Variants in NDUFAF2 observed in about 807,000 individuals in gnomAD.
NDUFAF2 encodes NADH dehydrogenase [ubiquinone] 1 alpha subcomplex assembly factor 2.
A neutral mutation model predicts 22.8 loss-of-function variants in NDUFAF2; 13 were observed. The ratio of observed to expected loss-of-function variants is 0.57; its 90% CI spans 0.37 to 0.91. The LOEUF is 0.91. Among genes scored for constraint, NDUFAF2 ranks in the 40% least tolerant of loss-of-function variants. The pLI, the probability that NDUFAF2 is intolerant of heterozygous loss-of-function variation, is 0.01. For missense variants in NDUFAF2, 162 were observed against 195.2 expected, an observed-to-expected ratio of 0.83 and a Z score of 1.01; for synonymous variants, 53 against 64.2, an observed-to-expected ratio of 0.83 and a Z score of 0.84.
intron 2 of NDUFAF2, among the ~76,000 whole-genome samples, chr5:61,089,040 C>T (rs979063820): frequency 6.6e-6 from 1 of 152,038 alleles, no homozygotes. Flanking sequence ...TTTTTAGCAC[C>T]TGTGGAGATT....
chr5:61,152,054 G>A (rs557092), intron 3 of NDUFAF2, among the ~76,000 whole-genome samples: 6,598 of 152,212 alleles, frequency 0.043, 172 homozygotes, highest in South Asian at 0.08. Flanking sequence ...CTCCTAGATA[G>A]AATTCTGAGG....
intron 1 of NDUFAF2, among the ~76,000 whole-genome samples, chr5:60,966,703 C>T (rs1039893398): frequency 5.3e-5 from 8 of 151,960 alleles, no homozygotes; most frequent in Non-Finnish European, 1.2e-4. Flanking sequence ...CCTATTCTGT[C>T]CCAGTGGTCT....
At chr5:61,022,162 A>G (rs909459754) in intron 1 of NDUFAF2, among the ~76,000 whole-genome samples, 1 of 152,332 alleles carries the variant, frequency 6.6e-6, no homozygotes, top group African/African-American at 2.4e-5. Context: ...GAATCTGGGT[A>G]TCATGGCCCA....
intron 1 of NDUFAF2, among the ~76,000 whole-genome samples, chr5:60,971,506 C>G (rs1053779866): frequency 8.6e-5 from 13 of 151,926 alleles, no homozygotes; most frequent in African/African-American, 2.9e-4. Flanking sequence ...CCAGGATGGT[C>G]TCGATCTCCT....
chr5:60,974,323 G>A (rs1321640116), intron 1 of NDUFAF2, among the ~76,000 whole-genome samples: 6 of 152,124 alleles, frequency 3.9e-5, no homozygotes, highest in Non-Finnish European at 8.8e-5. Flanking sequence ...GTTTGCCAGG[G>A]GCTTTTGGGC....
intron 2 of NDUFAF2, among the ~76,000 whole-genome samples, chr5:61,089,638 C>A (rs1203883657): frequency 6.6e-6 from 1 of 151,958 alleles, no homozygotes; most frequent in Admixed American, 6.6e-5. Context: ...AATATACAAG[C>A]TTATTTCAGT....
intron 1 of NDUFAF2, among the ~76,000 whole-genome samples, chr5:60,969,531 G>A (rs1353104011): frequency 6.6e-6 from 1 of 151,978 alleles, no homozygotes; most frequent in Admixed American, 6.6e-5. Context: ...TGTGTATTCA[G>A]ATGTTTTGCC....
intron 1 of NDUFAF2, among the ~76,000 whole-genome samples, chr5:60,958,998 C>G (rs995482944): frequency 2.6e-5 from 4 of 152,052 alleles, no homozygotes; most frequent in African/African-American, 9.7e-5. Flanking sequence ...ATGTTATCCA[C>G]TATTATATGT....
chr5:60,988,802 C>A (rs1751118012), intron 1 of NDUFAF2, among the ~76,000 whole-genome samples: 1 of 151,990 alleles, frequency 6.6e-6, no homozygotes, highest in African/African-American at 2.4e-5. Context: ...GCTGTAAATG[C>A]AAAATCTAAA....
chr5:61,066,456 C>T (rs1193485854), intron 1 of NDUFAF2, among the ~76,000 whole-genome samples: 1 of 151,994 alleles, frequency 6.6e-6, no homozygotes. Context: ...AATTAATAAA[C>T]ACTTACTTTC....
chr5:61,123,776 A>G (rs1753003167), intron 3 of NDUFAF2, among the ~76,000 whole-genome samples: 1 of 152,170 alleles, frequency 6.6e-6, no homozygotes, highest in African/African-American at 2.4e-5. Flanking sequence ...ATGTGAATCT[A>G]ATTAGTCATT....
At chr5:60,982,081 G>A (rs982738149) in intron 1 of NDUFAF2, among the ~76,000 whole-genome samples, 5 of 152,070 alleles carry the variant, frequency 3.3e-5, no homozygotes, top group African/African-American at 1.2e-4. Context: ...AAGCAAAAAT[G>A]GACAAATAGG....
rs117905958 is a variant in NDUFAF2 at position 60,989,583 on chromosome 5, A to G, written c.127+44201A>G. ...TTATGCAGTCATAAAAAACAAGATCATGTCCTTTTCAGCAACATGGATGGA... is the reference window on the plus strand; with the variant it reads ...TTATGCAGTCATAAAAAACAAGATCGTGTCCTTTTCAGCAACATGGATGGA... On this transcript the variant is annotated intron_variant, in intron 1 of 3. Transcript: ENST00000296597. Among the ~76,000 whole-genome samples, 13 of 152,338 alleles carry G rather than the reference A, an allele frequency of 8.5e-5. No individual in the cohort carries two copies. The East Asian group carries it at 2.5e-3, about 29-fold the overall frequency.
At chr5:60,984,896 A>G (rs889858424) in intron 1 of NDUFAF2, among the ~76,000 whole-genome samples, 1 of 152,164 alleles carries the variant, frequency 6.6e-6, no homozygotes, top group African/African-American at 2.4e-5. Context: ...TATCAGGATG[A>G]TGCTGGCCTC....
intron 2 of NDUFAF2, among the ~76,000 whole-genome samples, chr5:61,075,040 C>G (rs1554082226): frequency 6.6e-6 from 1 of 152,130 alleles, no homozygotes; most frequent in Non-Finnish European, 1.5e-5. Flanking sequence ...AGTCACCTCC[C>G]TCCTTCGACA....
chr5:61,066,824 A>G (rs1417267109), intron 1 of NDUFAF2, among the ~76,000 whole-genome samples: 1 of 152,002 alleles, frequency 6.6e-6, no homozygotes, highest in Admixed American at 6.6e-5. Flanking sequence ...TTTTTCCCCA[A>G]GTATTTTCAG....
At chr5:61,024,817 T>C (rs1356515063) in intron 1 of NDUFAF2, among the ~76,000 whole-genome samples, 2 of 152,164 alleles carry the variant, frequency 1.3e-5, no homozygotes, top group African/African-American at 2.4e-5. Flanking sequence ...AATGTTTAAA[T>C]AAGTATTTAA....
chr5:61,085,670 CA>C (rs1382875895), intron 2 of NDUFAF2, among the ~76,000 whole-genome samples: 5 of 151,994 alleles, frequency 3.3e-5, no homozygotes, highest in Non-Finnish European at 7.4e-5. Context: ...TTTCAAGATA[CA>C]GGGGAATATA....
intron 1 of NDUFAF2, among the ~76,000 whole-genome samples, chr5:61,026,661 G>T (rs1489840854): frequency 6.6e-6 from 1 of 151,978 alleles, no homozygotes; most frequent in Non-Finnish European, 1.5e-5. Flanking sequence ...TACAGTTGAT[G>T]TTTTTGAGAA....
Sources: gnomAD v4.1 joint callset for allele counts (sites outside exome capture counted in the v4.1 genomes callset) on GRCh38, gnomAD v4.1.1 for gene constraint, MANE v1.5 for transcripts, NCBI Gene and HGNC (gene_info 2026-07-23, HGNC 2026-07-21) for gene names.